Variants in HAP1 observed in about 807,000 individuals in gnomAD.
The protein encoded by HAP1 is huntingtin-associated protein 1.
HAP1 carries 59 observed loss-of-function variants against 60.3 expected under a neutral mutation model. That is an observed-to-expected ratio of 0.98 (90% confidence interval 0.79 to 1.22). The LOEUF is 1.22. Among genes scored for constraint, HAP1 ranks in the 50% most tolerant of loss-of-function variants. HAP1 has a pLI of 0.00. For missense variants in HAP1, 825 were observed against 785.3 expected (o/e 1.05, Z -0.60); for synonymous variants, 346 against 330.6 (o/e 1.05, Z -0.50).
chr17:41,724,759 CACT>C lies in HAP1; in HGVS notation c.1799_1801del (p.Glu600_Cys601delinsGly), dbSNP rs1567779056. On this transcript the variant is annotated inframe_deletion, in exon 11 of 11. Transcript: ENST00000347901. ...GGCGGCAGGGAGGGCCCCGTGGGGG[CACT>C]CACCTTTCTGGAGCATCTTCCACCT... is the stretch of plus-strand genomic sequence containing the variant. The C allele has an allele frequency of 1.2e-6, 2 of 1,605,052 alleles. No individual in the cohort carries two copies. Among genetic ancestry groups the C allele is most frequent in the Non-Finnish European group, 1.7e-6 (2 of 1,173,418 alleles).
In HAP1 at chr17:41,724,305, G is replaced by A; in HGVS notation, c.*396C>T. The A allele has an allele frequency of 6.1e-6, 1 of 163,758 alleles. No homozygotes were observed. Among genetic ancestry groups the A allele is most frequent in the East Asian group, 1.7e-4 (1 of 5,900 alleles). The allele number at this position is 163,758 out of a possible 1,614,324, so 10.1% of individuals were successfully genotyped here. ...GGAGGGTGGCTGGCCCTGTCCTCCA[G>A]CCTGGGTCAGCCCCCGGGCTGCTCC... On this transcript the variant is annotated 3_prime_UTR_variant, in exon 11 of 11. Transcript: ENST00000347901.
intron 7 of HAP1, 81 bp downstream of exon 7, chr17:41,728,120 T>A: frequency 6.6e-7 from 1 of 1,514,678 alleles, no homozygotes; most frequent in East Asian, 2.2e-5. Flanking sequence ...TCAGGCCTGG[T>A]GGAGCCGAGT....
intron 8 of HAP1, chr17:41,727,460 G>A (rs1911754789): frequency 1.3e-6 from 1 of 777,556 alleles, no homozygotes; most frequent in South Asian, 1.3e-5. Flanking sequence ...CGCTCTGCTG[G>A]GACCCAGGCA....
At chr17:41,728,419 C>A in intron 6 of HAP1, 88 bp from the exon 7 acceptor site, 1 of 1,274,518 alleles carries the variant, frequency 7.8e-7, no homozygotes, top group Admixed American at 2.0e-5. Context: ...GTCTCCCCCA[C>A]CCTCGGCTGC....
intron 7 of HAP1, 144 bp downstream of exon 7, chr17:41,728,057 G>C: frequency 1.0e-6 from 1 of 973,686 alleles, no homozygotes; most frequent in Non-Finnish European, 1.6e-6. Flanking sequence ...AGATAACAAG[G>C]GGTCAAGATA....
intron 1 of HAP1, among the ~76,000 whole-genome samples, chr17:41,733,352 CTTTTTTTT>C (rs1226491607): frequency 6.7e-5 from 5 of 74,676 alleles, no homozygotes; most frequent in South Asian, 6.8e-4. Context: ...CCGCGCCCGG[CTTTTTTTT>C]TTTTTTTTTT....
At position 41,731,656 on chromosome 17, in the gene HAP1, ATTC is replaced by A; in HGVS notation, c.981_983del (p.Glu327_Asn328delinsAsp). Reference sequence around the variant, plus strand: ...TTCTCACCTCTTCTCTCAGCTGATGATTCTCCTCCTCCAGCAGCCTCAGCTTCT... The same window carrying A: ...TTCTCACCTCTTCTCTCAGCTGATGATCCTCCTCCAGCAGCCTCAGCTTCT... On this transcript the variant is annotated inframe_deletion, in exon 5 of 11. Coordinates refer to ENST00000347901, the MANE Select transcript of HAP1 (RefSeq NM_177977.3). 1 of 1,613,838 alleles carries A rather than the reference ATTC, an allele frequency of 6.2e-7. No homozygotes were observed. The highest frequency in any genetic ancestry group is 8.5e-7 in the Non-Finnish European group (1 of 1,179,768).
In HAP1 at chr17:41,734,639, A is replaced by T. The variant is rs1262747220; in HGVS notation, c.-5T>A. The T allele has an allele frequency of 1.1e-5, 16 of 1,488,094 alleles. No individual in the cohort carries two copies. Among genetic ancestry groups the T allele is most frequent in the Non-Finnish European group, 1.3e-5 (15 of 1,120,520 alleles). 92.2% of individuals were successfully genotyped at this position (1,488,094 alleles called of 1,614,324 possible). ...GCCCAACCTCTTCGGGCGCATCTCG[A>T]GTCTGCCGTCCGCTGCTGCGGCGGG... On this transcript the variant is annotated 5_prime_UTR_variant, in exon 1 of 11. Coordinates refer to ENST00000347901, the MANE Select transcript of HAP1 (RefSeq NM_177977.3).
chr17:41,728,176 A>G, intron 7 of HAP1, 25 bp downstream of exon 7: 1 of 1,606,188 alleles, frequency 6.2e-7, no homozygotes, highest in Non-Finnish European at 8.5e-7. Flanking sequence ...CCACGACAAG[A>G]GGGTTCCACA....
rs782681437 is a variant in HAP1, at chr17:41,724,815, C to A, written c.1746G>T (p.Trp582Cys). Residue 582 changes from tryptophan (W) to cysteine (C), a missense_variant, in exon 11 of 11, where the codon TGG becomes TGT. Trp to Cys is a radical substitution (Grantham distance 215). Coordinates refer to ENST00000347901, the MANE Select transcript of HAP1 (RefSeq NM_177977.3). ...GCTGCCGCCTGTAATGGGCATCTTG[C>A]CAGTTGGCCAGCTGCTGGAGGACAT... ...MNYVLQQLAN[W>C]QDAHYRRQLR... 1.2e-6 allele frequency: 2 copies of A among 1,613,054 alleles called. No homozygotes were observed. Among genetic ancestry groups the A allele is most frequent in the South Asian group, 2.2e-5 (2 of 91,084 alleles).
chr17:41,729,097 C>A (rs570516416), intron 6 of HAP1, among the ~76,000 whole-genome samples: 1 of 151,856 alleles, frequency 6.6e-6, no homozygotes, highest in African/African-American at 2.4e-5. Flanking sequence ...TGCGCCACCA[C>A]GCCCAGTTAA....
rs1555592079 is a variant in HAP1 at position 41,734,425 on chromosome 17, C to T, written c.210G>A (p.Pro70=). ...FLSEARTGAR[P]ASEAGAKAGA... is the part of the protein sequence containing the mutation. The stretch of plus-strand genomic sequence containing the variant: ...CTGCCTTGGCTCCAGCCTCCGAGGC[C>T]GGGCGAGCTCCGGTGCGGGCTTCCG... The change falls in exon 1 of 11, where the codon CCG becomes CCA. Residue 70 remains proline (P), a synonymous_variant. Coordinates refer to ENST00000347901, the MANE Select transcript of HAP1 (RefSeq NM_177977.3). The T allele has an allele frequency of 2.5e-6, 4 of 1,608,450 alleles. No homozygotes were observed. Among genetic ancestry groups the T allele is most frequent in the Non-Finnish European group, 3.4e-6 (4 of 1,176,620 alleles).
At chr17:41,727,571 C>T (rs1555589257) in intron 8 of HAP1, 191 bp downstream of exon 8, 15 of 664,308 alleles carry the variant, frequency 2.3e-5, no homozygotes, top group Non-Finnish European at 3.8e-5. Context: ...CAGGTCCCTG[C>T]ACTCCACACC....
intron 7 of HAP1, 59 bp downstream of exon 7, chr17:41,728,142 G>A: frequency 1.3e-6 from 2 of 1,589,766 alleles, no homozygotes; most frequent in Admixed American, 1.7e-5. Flanking sequence ...GAGGCAGGAA[G>A]AAGGAAGCTA....
At chr17:41,726,972 G>A in intron 9 of HAP1, 81 bp downstream of exon 9, 2 of 713,822 alleles carry the variant, frequency 2.8e-6, no homozygotes, top group Admixed American at 2.2e-5. Context: ...AGCGTGGAAG[G>A]TCAGAGTGTG....
At position 41,732,263 on chromosome 17, in the gene HAP1, C is replaced by T. The variant is rs782302703; in HGVS notation, c.681G>A (p.Lys227=). The T allele has an allele frequency of 6.2e-7, 1 of 1,614,046 alleles. No individual in the cohort carries two copies. Among genetic ancestry groups the T allele is most frequent in the Non-Finnish European group, 8.5e-7 (1 of 1,180,034 alleles). The change falls in exon 3 of 11, where the codon AAG becomes AAA. Residue 227 remains lysine (K), a synonymous_variant. Coordinates refer to ENST00000347901, the MANE Select transcript of HAP1 (RefSeq NM_177977.3). ...QNSVLMEENS[K]LEALLGSAKE... ...TGGCTGAGCCCAGCAGGGCTTCCAG[C>T]TTGCTGTTCTCCTCCATCAAAACAC...
chr17:41,728,936 G>A (rs1291122188), intron 6 of HAP1, among the ~76,000 whole-genome samples: 2 of 84,854 alleles, frequency 2.4e-5, no homozygotes, highest in African/African-American at 6.6e-5. Context: ...GGTCAGACTT[G>A]GGTTTGTTGG....
chr17:41,730,245 A>G (rs930706178), intron 6 of HAP1: 1 of 151,332 alleles, frequency 6.6e-6, no homozygotes, highest in Non-Finnish European at 1.5e-5. Flanking sequence ...GACCTGAGCC[A>G]GTTCACCCCT....
Position 41,727,621 on chromosome 17 carries a change from C to A in HAP1, c.1275+141G>T, listed in dbSNP as rs1597739906. ...GGAACTGTCACCTGCTGGGCTGTGC[C>A]AGGCATGGAGGGGGTGGAAACGGAC... On this transcript the variant is annotated intron_variant, in intron 8 of 10. Transcript: ENST00000347901. 4 of 658,900 alleles carry A rather than the reference C, an allele frequency of 6.1e-6. No homozygotes were observed. In the East Asian group the frequency reaches 1.1e-4, roughly 18 times the overall value. The allele number at this position is 658,900 out of a possible 1,614,324, so 40.8% of individuals were successfully genotyped here.
Sources: allele counts gnomAD v4.1 joint callset (sites outside exome capture counted in the v4.1 genomes callset), GRCh38; gene constraint gnomAD v4.1.1; transcripts MANE v1.5; gene names NCBI Gene and HGNC (gene_info 2026-07-23, HGNC 2026-07-21).